SLC28A3: variants seen among roughly 807,000 people sequenced by gnomAD.
SLC28A3 encodes the protein concentrative Na(+)-nucleoside cotransporter 3.
Under a neutral mutation model 84.2 loss-of-function variants are expected in SLC28A3, and 68 were observed. That is an observed-to-expected ratio of 0.81 (90% CI 0.66 to 0.99). The LOEUF (loss-of-function observed/expected upper bound fraction) is 0.99, where lower values mean the gene tolerates loss of function less well. SLC28A3 is among the 50% of genes least tolerant of loss of function. SLC28A3 has a pLI of 0.00. For synonymous variants in SLC28A3, 267 were observed against 303.6 expected, an observed-to-expected ratio of 0.88 and a Z score of 1.25; for missense variants, 712 against 841.5, an observed-to-expected ratio of 0.85 and a Z score of 1.90.
chr9:84,313,605 TC>T (rs1364980724), intron 1 of SLC28A3, 151 bp from the exon 2 acceptor site: 10 of 638,500 alleles, frequency 1.6e-5, no homozygotes. Flanking sequence ...AGCTGACAAA[TC>T]CTGGGCTTGT....
chr9:84,291,663 C>T (rs1050069561), intron 10 of SLC28A3, among the ~76,000 whole-genome samples: 5 of 152,190 alleles, frequency 3.3e-5, no homozygotes, highest in Admixed American at 2.0e-4. Context: ...AGTAGAGGCC[C>T]GTGCTTCTTG....
At position 84,336,239 on chromosome 9, in the gene SLC28A3, C is replaced by T. The variant is rs775839235; in HGVS notation, c.60+4335G>A. On this transcript the variant is annotated intron_variant, in intron 1 of 17. Coordinates refer to ENST00000376238, the MANE Select transcript of SLC28A3 (RefSeq NM_001199633.2). ...GAATTAGGTCGGGCACGGTGGCTCA[C>T]GCCTGTAATCCCAGCACTTTGGGAG... Among the ~76,000 whole-genome samples the T allele has an allele frequency of 8.5e-5, 13 of 152,192 alleles. No individual in the cohort carries two copies. In the South Asian group the frequency reaches 2.5e-3, roughly 29 times the overall value.
At chr9:84,313,325 G>C (rs1826054638) in intron 2 of SLC28A3, 34 bp downstream of exon 2, 13 of 1,582,178 alleles carry the variant, frequency 8.2e-6, no homozygotes, top group Non-Finnish European at 1.1e-5. Context: ...CGGCTGCCAT[G>C]GTACTAGAGT....
At chr9:84,337,443 C>CGT (rs1651923419) in intron 1 of SLC28A3, among the ~76,000 whole-genome samples, 1 of 143,768 alleles carries the variant, frequency 7.0e-6, no homozygotes, top group African/African-American at 2.6e-5. Context: ...TGTGTGTGTG[C>CGT]GCGCGCGTGT....
Position 84,313,422 on chromosome 9 carries a change from T to A in SLC28A3, c.93A>T (p.Thr31=), listed in dbSNP as rs1826059942. ...NEENFLENEN[T]SGNNSIRSRA... ...TGCTTCTTATTGAGTTGTTTCCTGA[T>A]GTGTTCTCGTTCTCAAGAAAGTTTT... Residue 31 remains threonine, a synonymous_variant, in exon 2 of 18, where the codon ACA becomes ACT. Coordinates refer to ENST00000376238, the MANE Select transcript of SLC28A3 (RefSeq NM_001199633.2). 3 of 1,613,996 alleles carry A rather than the reference T, an allele frequency of 1.9e-6. No individual in the cohort carries two copies. In the South Asian group the frequency reaches 3.3e-5, roughly 18 times the overall value.
At chr9:84,331,496 T>C (rs1826786723) in intron 1 of SLC28A3, among the ~76,000 whole-genome samples, 1 of 152,204 alleles carries the variant, frequency 6.6e-6, no homozygotes, top group Admixed American at 6.5e-5. Context: ...ATCTCCCAAA[T>C]TGTAAACTCC....
chr9:84,366,751 C>G, the SLC28A3 span, among the ~76,000 whole-genome samples: 25 of 152,222 alleles, frequency 1.6e-4, no homozygotes, highest in Non-Finnish European at 3.1e-4. Context: ...GAATCTCTCT[C>G]TCTGTTCTGA....
chr9:84,315,616 T>C (rs1269368405), intron 1 of SLC28A3, among the ~76,000 whole-genome samples: 2 of 152,198 alleles, frequency 1.3e-5, no homozygotes, highest in Admixed American at 1.3e-4. Context: ...TGTGTAATAG[T>C]CTTATTTGGC....
intron 1 of SLC28A3, among the ~76,000 whole-genome samples, chr9:84,323,823 A>C (rs1826461971): frequency 6.6e-6 from 1 of 151,472 alleles, no homozygotes; most frequent in Non-Finnish European, 1.5e-5. Context: ...CTCCCCTCCA[A>C]ATCTGGCTTT....
At chr9:84,278,431 G>T in intron 17 of SLC28A3, 87 bp from the exon 18 acceptor site, 1 of 1,529,470 alleles carries the variant, frequency 6.5e-7, no homozygotes. Flanking sequence ...AAATAGTTCA[G>T]GGCAGGAAGC....
intron 2 of SLC28A3, among the ~76,000 whole-genome samples, chr9:84,312,697 C>T (rs1247436016): frequency 6.6e-6 from 1 of 152,090 alleles, no homozygotes; most frequent in Non-Finnish European, 1.5e-5. Flanking sequence ...CGCCACCACG[C>T]CCAGCTAATT....
chr9:84,316,565 G>A (rs139778641), intron 1 of SLC28A3, among the ~76,000 whole-genome samples: 1 of 152,324 alleles, frequency 6.6e-6, no homozygotes, highest in Non-Finnish European at 1.5e-5. Flanking sequence ...TGGGTCCCTG[G>A]AAGCCTTGAG....
intron 10 of SLC28A3, 153 bp downstream of exon 10, chr9:84,292,511 TCCCC>T: frequency 1.8e-6 from 1 of 550,930 alleles, no homozygotes; most frequent in Non-Finnish European, 3.2e-6. Flanking sequence ...CTCTCTCTTC[TCCCC>T]CTGGAATCCG....
intron 10 of SLC28A3, among the ~76,000 whole-genome samples, chr9:84,291,189 C>T (rs947658189): frequency 4.6e-5 from 7 of 152,124 alleles, no homozygotes; most frequent in African/African-American, 7.2e-5. Flanking sequence ...GCCCTCTTAC[C>T]CCACAGGTAG....
At chr9:84,278,390 G>A in intron 17 of SLC28A3, 46 bp from the exon 18 acceptor site, 1 of 1,610,156 alleles carries the variant, frequency 6.2e-7, no homozygotes, top group South Asian at 1.1e-5. Flanking sequence ...ATAGATGGCA[G>A]AAACAGTAGG....
At chr9:84,296,955 G>T (rs905486520) in intron 8 of SLC28A3, among the ~76,000 whole-genome samples, 22 of 152,188 alleles carry the variant, frequency 1.4e-4, no homozygotes, top group Non-Finnish European at 7.3e-5. Flanking sequence ...CTCAGATAAA[G>T]CTACAAGCCC....
At chr9:84,287,036 G>T (rs936201794) in intron 12 of SLC28A3, among the ~76,000 whole-genome samples, 1 of 151,932 alleles carries the variant, frequency 6.6e-6, no homozygotes, top group Admixed American at 6.6e-5. Context: ...AAATACTGTC[G>T]CTACAAAAAG....
chr9:84,363,617 T>C, the SLC28A3 span, among the ~76,000 whole-genome samples: 3 of 152,188 alleles, frequency 2.0e-5, no homozygotes, highest in Non-Finnish European at 4.4e-5. Context: ...AGGGCATTTA[T>C]CAGAATCATC....
At chr9:84,324,317 G>A (rs1479143602) in intron 1 of SLC28A3, among the ~76,000 whole-genome samples, 1 of 152,226 alleles carries the variant, frequency 6.6e-6, no homozygotes, top group African/African-American at 2.4e-5. Flanking sequence ...TTTGGCAGAT[G>A]CGAAAATCAG....
Sources: gnomAD v4.1 joint callset for allele counts (sites outside exome capture counted in the v4.1 genomes callset) on GRCh38, gnomAD v4.1.1 for gene constraint, MANE v1.5 for transcripts, NCBI Gene and HGNC (gene_info 2026-07-23, HGNC 2026-07-21) for gene names.